The following SYNPR variants were observed in gnomAD, a reference collection of about 807,000 sequenced individuals.
SYNPR encodes the protein synaptoporin.
In SYNPR, 23 loss-of-function variants were observed where a neutral mutation model predicts 32.9. That is an observed-to-expected ratio of 0.70 (90% CI 0.50 to 0.99). SYNPR has a LOEUF of 0.99. Among genes scored for constraint, SYNPR ranks in the 50% least tolerant of loss-of-function variants. The pLI, the probability that SYNPR is intolerant of heterozygous loss-of-function variation, is 0.00. For synonymous variants in SYNPR, 146 were observed against 135.9 expected, an observed-to-expected ratio of 1.07 and a Z score of -0.52; for missense variants, 318 against 349.3, an observed-to-expected ratio of 0.91 and a Z score of 0.71.
chr3:63,355,976 T>C (rs925802096), intron 2 of SYNPR, among the ~76,000 whole-genome samples: 4 of 152,262 alleles, frequency 2.6e-5, no homozygotes, highest in African/African-American at 9.6e-5. Context: ...ATGTGGTTTC[T>C]CTGCCTGTGA....
intron 4 of SYNPR, among the ~76,000 whole-genome samples, chr3:63,563,245 C>A (rs1702722997): frequency 6.6e-6 from 1 of 152,126 alleles, no homozygotes; most frequent in African/African-American, 2.4e-5. Flanking sequence ...GTTGAACCAT[C>A]CAATTAACCT....
intron 4 of SYNPR, among the ~76,000 whole-genome samples, chr3:63,563,772 C>A (rs1406146175): frequency 6.6e-6 from 1 of 151,950 alleles, no homozygotes; most frequent in African/African-American, 2.4e-5. Context: ...AAATGGCTTG[C>A]TAGGGGTATG....
At chr3:63,336,952 T>C (rs73108913) in intron 2 of SYNPR, among the ~76,000 whole-genome samples, 7,271 of 151,966 alleles carry the variant, frequency 0.048, 243 homozygotes, top group Middle Eastern at 0.092. Context: ...CCATGAAAGG[T>C]CAGGCATGGT....
At chr3:63,209,099 G>A in the SYNPR span, among the ~76,000 whole-genome samples, 1 of 151,902 alleles carries the variant, frequency 6.6e-6, no homozygotes, top group Non-Finnish European at 1.5e-5. Context: ...GGAAATATAG[G>A]CATCCTTTTA....
chr3:63,321,623 A>G (rs745319988), intron 2 of SYNPR, among the ~76,000 whole-genome samples: 3 of 152,074 alleles, frequency 2.0e-5, no homozygotes, highest in African/African-American at 4.8e-5. Flanking sequence ...TGAATACCCA[A>G]TTCATTGCTT....
At chr3:63,376,345 A>C (rs1212125456) in intron 2 of SYNPR, among the ~76,000 whole-genome samples, 1 of 152,154 alleles carries the variant, frequency 6.6e-6, no homozygotes, top group Non-Finnish European at 1.5e-5. Context: ...TATAACTTGC[A>C]TTAGTTAACA....
At chr3:63,536,131 T>G (rs2106796052) in intron 3 of SYNPR, among the ~76,000 whole-genome samples, 1 of 151,808 alleles carries the variant, frequency 6.6e-6, no homozygotes, top group Non-Finnish European at 1.5e-5. Flanking sequence ...TTTTAAAAAT[T>G]TAAGGAATGA....
intron 2 of SYNPR, among the ~76,000 whole-genome samples, chr3:63,325,036 T>C (rs985633467): frequency 3.3e-5 from 5 of 152,140 alleles, no homozygotes; most frequent in African/African-American, 4.8e-5. Context: ...GAATGCTTTA[T>C]GAAAATCAGA....
chr3:63,615,350 A>C lies in SYNPR; in HGVS notation c.727A>C (p.Asn243His). Reference sequence around the variant, plus strand: ...AATGGAGAAGCACTCCAGCAGCTATAATCAAGGTGGTTACAACCAAGACAG... The same window carrying C: ...AATGGAGAAGCACTCCAGCAGCTATCATCAAGGTGGTTACAACCAAGACAG... ...DPMEKHSSSY[N>H]QGGYNQDSYG... is the part of the protein sequence containing the mutation. Residue 243 changes from asparagine to histidine, a missense_variant, in exon 6 of 6, where the codon AAT becomes CAT. Transcript: ENST00000478300. 6.2e-7 allele frequency: 1 copy of C among 1,613,928 alleles called. No individual in the cohort carries two copies. The highest frequency in any genetic ancestry group is 8.5e-7 in the Non-Finnish European group (1 of 1,179,872).
chr3:63,239,854 T>C (rs1344233915), intron 1 of SYNPR, among the ~76,000 whole-genome samples: 2 of 150,974 alleles, frequency 1.3e-5, no homozygotes, highest in African/African-American at 2.4e-5. Context: ...TATCCCACCA[T>C]TGTCAAGTGT....
At chr3:63,615,138 T>C in intron 5 of SYNPR, 86 bp from the exon 6 acceptor site, 1 of 1,458,194 alleles carries the variant, frequency 6.9e-7, no homozygotes. Context: ...AGTGATCTTT[T>C]GTATTGTGAA....
chr3:63,408,265 G>GAA (rs1560221052), intron 2 of SYNPR, among the ~76,000 whole-genome samples: 1 of 119,566 alleles, frequency 8.4e-6, no homozygotes, highest in East Asian at 2.5e-4. Flanking sequence ...AAGAAAGAAA[G>GAA]AAAGAAAGAA....
chr3:63,277,633 G>A (rs1251077528), upstream of SYNPR, among the ~76,000 whole-genome samples: 1 of 152,052 alleles, frequency 6.6e-6, no homozygotes, highest in Non-Finnish European at 1.5e-5. Flanking sequence ...TTCCACTGGC[G>A]CATGGTCCCA....
chr3:63,392,519 T>G (rs1241095554), intron 2 of SYNPR, among the ~76,000 whole-genome samples: 1 of 152,174 alleles, frequency 6.6e-6, no homozygotes, highest in Non-Finnish European at 1.5e-5. Context: ...TGCATCCTCA[T>G]AAGGCTGCTG....
Position 63,344,814 on chromosome 3 carries a change from T to C in SYNPR, c.84+66072T>C, listed in dbSNP as rs184456815. The stretch of plus-strand genomic sequence containing the variant: ...CTCCGAGGCTAGGGCTTTTCAAGGA[T>C]GGGCAGGGGGCTGGTGAATGGGGGG... On this transcript the variant is annotated intron_variant, in intron 2 of 5. Coordinates refer to ENST00000478300, the MANE Select transcript of SYNPR (RefSeq NM_001130003.2). 2.4e-4 allele frequency among the ~76,000 whole-genome samples: 36 copies of C among 152,004 alleles called. No individual in the cohort carries two copies. In the East Asian group the frequency reaches 6.8e-3, roughly 29 times the overall value.
chr3:63,415,033 T>A (rs970062314), intron 2 of SYNPR, among the ~76,000 whole-genome samples: 1 of 152,214 alleles, frequency 6.6e-6, no homozygotes, highest in Non-Finnish European at 1.5e-5. Context: ...TTAAATAAGT[T>A]CACTATTAAA....
At chr3:63,524,681 G>T (rs1050577230) in intron 3 of SYNPR, among the ~76,000 whole-genome samples, 1 of 152,114 alleles carries the variant, frequency 6.6e-6, no homozygotes, top group South Asian at 2.1e-4. Flanking sequence ...TTTGCAGCCT[G>T]TTCAAGGCTT....
intron 3 of SYNPR, among the ~76,000 whole-genome samples, chr3:63,531,284 A>G (rs921728146): frequency 6.6e-6 from 1 of 152,118 alleles, no homozygotes; most frequent in Non-Finnish European, 1.5e-5. Flanking sequence ...TGAAAGATAC[A>G]AGTCTGAAAT....
At chr3:63,467,320 G>A (rs1700703595) in intron 2 of SYNPR, among the ~76,000 whole-genome samples, 1 of 152,176 alleles carries the variant, frequency 6.6e-6, no homozygotes, top group Non-Finnish European at 1.5e-5. Context: ...TAAAGAATGA[G>A]CAAGATACAG....
Sources: gnomAD v4.1 joint callset for allele counts (sites outside exome capture counted in the v4.1 genomes callset) on GRCh38, gnomAD v4.1.1 for gene constraint, MANE v1.5 for transcripts, NCBI Gene and HGNC (gene_info 2026-07-23, HGNC 2026-07-21) for gene names.